Variants in ZC3H3 observed in about 807,000 individuals in gnomAD.
ZC3H3 encodes zinc finger CCCH-type containing 3.
A neutral mutation model predicts 77.3 loss-of-function variants in ZC3H3; 36 were observed. The observed-to-expected ratio is 0.47, with a 90% CI of 0.36 to 0.61. The LOEUF (loss-of-function observed/expected upper bound fraction) is 0.61, where lower values mean the gene tolerates loss of function less well. Ranked by LOEUF, ZC3H3 falls within the 20% of genes least tolerant of loss-of-function variation. ZC3H3 has a pLI of 0.00. For synonymous variants in ZC3H3, 626 were observed against 555.2 expected (o/e 1.13, Z -1.79); for missense variants, 1,331 against 1,312.2 (o/e 1.01, Z -0.22).
chr8:143,474,173 C>G (rs1246345150), intron 5 of ZC3H3, among the ~76,000 whole-genome samples: 1 of 152,096 alleles, frequency 6.6e-6, no homozygotes, highest in East Asian at 1.9e-4. Flanking sequence ...CCTCAAGGTA[C>G]GGGTGGGGAA....
chr8:143,461,522 A>G (rs1820261302), intron 9 of ZC3H3, among the ~76,000 whole-genome samples: 1 of 152,170 alleles, frequency 6.6e-6, no homozygotes, highest in African/African-American at 2.4e-5. Flanking sequence ...ACCCAAGAGA[A>G]GCAAAAGCAT....
Position 143,440,970 on chromosome 8 carries a change from C to T in ZC3H3, c.2458G>A (p.Ala820Thr), listed in dbSNP as rs199952485. 4.6e-5 allele frequency: 67 copies of T among 1,446,574 alleles called. No individual in the cohort carries two copies. Among genetic ancestry groups the T allele is most frequent in the Admixed American group, 8.5e-5 (3 of 35,346 alleles). The allele number at this position is 1,446,574 out of a possible 1,614,324, so 89.6% of individuals were successfully genotyped here. ...SPAPGPSDAT[A>T]RSRVSASHGP... ...TGGCTGGCCGAGACCCTGCTCCTGG[C>T]GGTTGCGTCGCTGGGCCCTGGGGCG... Residue 820 changes from alanine to threonine, a missense_variant, in exon 10 of 12, where the codon GCC becomes ACC. By Grantham distance (58) the Ala-to-Thr change is moderately conservative. Transcript: ENST00000262577.
Position 143,538,016 on chromosome 8 carries a change from G to C in ZC3H3, c.1351C>G (p.Arg451Gly). The change falls in exon 2 of 12, where the codon CGC becomes GGC. Residue 451 changes from arginine to glycine, a missense_variant. Arg to Gly is a moderately radical substitution (Grantham distance 125). Coordinates refer to ENST00000262577, the MANE Select transcript of ZC3H3 (RefSeq NM_015117.3). ...VKSRTKIIRR[R>G]SSTSLPGDKK... ...CGGGATGCCCACCTTGTGCTGCTGC[G>C]TCTCCGGATGATCTTGGTGCGGCTC... 1 of 1,605,042 alleles carries C rather than the reference G, an allele frequency of 6.2e-7. No homozygotes were observed. Among genetic ancestry groups the C allele is most frequent in the Non-Finnish European group, 8.5e-7 (1 of 1,175,190 alleles).
intron 4 of ZC3H3, among the ~76,000 whole-genome samples, chr8:143,487,674 G>A (rs1203441573): frequency 2.4e-5 from 1 of 41,674 alleles, no homozygotes; most frequent in Non-Finnish European, 5.0e-5. Context: ...CCCGCTACAC[G>A]ACCCCATCAC....
At chr8:143,478,786 A>T (rs112468018) in intron 4 of ZC3H3, among the ~76,000 whole-genome samples, 2,684 of 152,338 alleles carry the variant, frequency 0.018, 44 homozygotes, top group Middle Eastern at 0.071. Flanking sequence ...CCGGGATTAC[A>T]GGCATGAGCC....
Position 143,475,507 on chromosome 8 carries a change from G to C in ZC3H3, c.1794C>G (p.Ser598Arg). Residue 598 changes from serine (S) to arginine (R), a missense_variant, in exon 5 of 12, where the codon AGC (serine) becomes AGG (arginine). Around this residue, in one of 3 missense-constraint regions of ZC3H3, gnomAD observed 978 missense variants for 915.5 expected, o/e 1.07. Coordinates refer to ENST00000262577, the MANE Select transcript of ZC3H3 (RefSeq NM_015117.3). ...CCCCTCCGATGCAGCGGTAGCCTTT[G>C]CTCCGCCACCAAGGGGAGCCCGGTT... is the stretch of plus-strand genomic sequence containing the variant. ...KAQPGSPWWR[S>R]KGYRCIGGVL... 6.2e-7 allele frequency: 1 copy of C among 1,612,664 alleles called. No homozygotes were observed.
chr8:143,534,315 C>T (rs1374891086), intron 3 of ZC3H3, among the ~76,000 whole-genome samples: 1 of 151,674 alleles, frequency 6.6e-6, no homozygotes, highest in Non-Finnish European at 1.5e-5. Flanking sequence ...TCAATTACGC[C>T]CTTCCCTCTA....
At chr8:143,503,278 G>A (rs546264041) in intron 4 of ZC3H3, among the ~76,000 whole-genome samples, 8 of 152,276 alleles carry the variant, frequency 5.3e-5, no homozygotes, top group African/African-American at 1.4e-4. Flanking sequence ...TGGCATACAG[G>A]CACTGCTCCT....
Position 143,440,074 on chromosome 8 carries a change from G to C in ZC3H3, c.2782C>G (p.Arg928Gly). ...SPSPGAQPRV[R>G]APRAPLTKDS... ...TTGGTGAGGGGGGCCCTAGGGGCCC[G>C]GACCCTGGGCTGGGCTCCTGGGCTC... Residue 928 changes from arginine to glycine, a missense_variant, in exon 11 of 12, where the codon CGG becomes GGG. By Grantham distance (125) the Arg-to-Gly change is moderately radical. This residue lies in a region of ZC3H3 where 249 missense variants were observed against 236.9 expected (regional missense o/e 1.05). Coordinates refer to ENST00000262577, the MANE Select transcript of ZC3H3 (RefSeq NM_015117.3). The C allele has an allele frequency of 1.9e-6, 3 of 1,590,166 alleles. No individual in the cohort carries two copies. Among genetic ancestry groups the C allele is most frequent in the Non-Finnish European group, 2.6e-6 (3 of 1,169,426 alleles).
chr8:143,506,438 G>A (rs951608557), intron 4 of ZC3H3, among the ~76,000 whole-genome samples: 4 of 152,116 alleles, frequency 2.6e-5, no homozygotes, highest in African/African-American at 7.2e-5. Context: ...TAGTGTGGGG[G>A]AAATTGCATT....
chr8:143,521,601 G>A (rs1822244645), intron 3 of ZC3H3, among the ~76,000 whole-genome samples: 1 of 152,202 alleles, frequency 6.6e-6, no homozygotes. Context: ...CAGGCAGGAG[G>A]TGGGACAGGC....
chr8:143,465,029 G>T (rs1169343713), intron 9 of ZC3H3, among the ~76,000 whole-genome samples: 1 of 152,170 alleles, frequency 6.6e-6, no homozygotes, highest in African/African-American at 2.4e-5. Context: ...GTGAGGCAGA[G>T]GGGAGGAGCT....
intron 4 of ZC3H3, chr8:143,484,893 G>A (rs1401083276): frequency 4.4e-6 from 2 of 455,556 alleles, no homozygotes; most frequent in East Asian, 7.0e-5. Flanking sequence ...CAGCTCCCTG[G>A]AAAGGCGTGG....
intron 9 of ZC3H3, among the ~76,000 whole-genome samples, chr8:143,441,745 G>T (rs73717571): frequency 0.013 from 2,011 of 152,278 alleles, 42 homozygotes; most frequent in African/African-American, 0.044. Context: ...CAAGGCCCCA[G>T]CGGCCCAGCC....
intron 4 of ZC3H3, among the ~76,000 whole-genome samples, 157 bp downstream of exon 4, chr8:143,507,589 A>G (rs1821741408): frequency 6.6e-6 from 1 of 152,254 alleles, no homozygotes; most frequent in Non-Finnish European, 1.5e-5. Context: ...AAAGACACAG[A>G]AAAATCAGGC....
At chr8:143,444,059 C>T (rs1819811591) in intron 9 of ZC3H3, among the ~76,000 whole-genome samples, 1 of 151,254 alleles carries the variant, frequency 6.6e-6, no homozygotes, top group Non-Finnish European at 1.5e-5. Flanking sequence ...ACTGCAACCT[C>T]TGCCTCCTGG....
intron 4 of ZC3H3, among the ~76,000 whole-genome samples, chr8:143,490,144 T>C (rs113553856): frequency 1.3e-5 from 2 of 152,098 alleles, no homozygotes; most frequent in African/African-American, 4.8e-5. Flanking sequence ...AAGGGGGCCA[T>C]GAGGAAGGTG....
chr8:143,475,595 C>T lies in ZC3H3; in HGVS notation c.1716-10G>A. 1 of 1,579,712 alleles carries T rather than the reference C, an allele frequency of 6.3e-7. No homozygotes were observed. Among genetic ancestry groups the T allele is most frequent in the Non-Finnish European group, 8.6e-7 (1 of 1,162,928 alleles). On this transcript the variant is annotated splice_polypyrimidine_tract_variant and intron_variant, in intron 4 of 11. Transcript: ENST00000262577. ...GTTCAGCACCAGGGACCTGCAGAGA[C>T]AGGAAATGCCCGTCAAACCTGGCCC...
At chr8:143,457,765 G>A (rs754779921) in intron 9 of ZC3H3, among the ~76,000 whole-genome samples, 6 of 152,278 alleles carry the variant, frequency 3.9e-5, no homozygotes, top group East Asian at 3.9e-4. Context: ...TACTCAGGAC[G>A]CTGAGGCAGG....
Sources: gnomAD v4.1 joint callset for allele counts (sites outside exome capture counted in the v4.1 genomes callset) on GRCh38, gnomAD v4.1.1 for gene constraint, gnomAD v4.1.1 regional missense constraint, MANE v1.5 for transcripts, NCBI Gene and HGNC (gene_info 2026-07-23, HGNC 2026-07-21) for gene names.